The following XRCC1 variants were observed in gnomAD, a reference collection of about 807,000 sequenced individuals.
The protein encoded by XRCC1 is DNA repair protein XRCC1.
Under a neutral mutation model 83.3 loss-of-function variants are expected in XRCC1, and 52 were observed. The ratio of observed to expected loss-of-function variants is 0.62; its 90% CI spans 0.50 to 0.79. The LOEUF (loss-of-function observed/expected upper bound fraction) is 0.79. Among genes scored for constraint, XRCC1 ranks in the 30% least tolerant of loss-of-function variants. XRCC1 has a pLI of 0.00. For synonymous variants in XRCC1, 281 were observed against 312.6 expected, an observed-to-expected ratio of 0.90 and a Z score of 1.07; for missense variants, 793 against 823.5, an observed-to-expected ratio of 0.96 and a Z score of 0.45.
chr19:43,553,185 C>A, intron 6 of XRCC1, 94 bp from the exon 7 acceptor site: 1 of 1,367,634 alleles, frequency 7.3e-7, no homozygotes, highest in Non-Finnish European at 1.0e-6. Flanking sequence ...TTGCCAAAAC[C>A]CACCAGTGAT....
intron 10 of XRCC1, among the ~76,000 whole-genome samples, chr19:43,548,771 A>AC (rs1972545486): frequency 1.7e-5 from 2 of 120,354 alleles, no homozygotes; most frequent in East Asian, 3.9e-4. Context: ...ATGATCAAAA[A>AC]AAAAAAAAAA....
intron 2 of XRCC1, among the ~76,000 whole-genome samples, chr19:43,573,106 T>C (rs925375395): frequency 2.6e-5 from 4 of 151,892 alleles, no homozygotes; most frequent in Middle Eastern, 6.3e-3. Context: ...CTATTTTTTA[T>C]AATTTTTCGT....
chr19:43,567,575 G>T (rs150776815), intron 2 of XRCC1, among the ~76,000 whole-genome samples: 12 of 152,190 alleles, frequency 7.9e-5, no homozygotes, highest in African/African-American at 2.7e-4. Context: ...GCCTCCCAAA[G>T]TGCTGGGATT....
chr19:43,563,585 C>T lies in XRCC1; in HGVS notation c.145-2565G>A, dbSNP rs535258824. 2.1e-4 allele frequency among the ~76,000 whole-genome samples: 32 copies of T among 152,296 alleles called. No homozygotes were observed. In the South Asian group the frequency reaches 5.8e-3, roughly 28 times the overall value. Reference sequence around the variant, plus strand: ...CTTGGTGACTTTCCACCAGCCACAACGGCCTCCCTTCTGTGCCAAGAACAG... The same window carrying T: ...CTTGGTGACTTTCCACCAGCCACAATGGCCTCCCTTCTGTGCCAAGAACAG... On this transcript the variant is annotated intron_variant, in intron 2 of 16. Coordinates refer to ENST00000262887, the MANE Select transcript of XRCC1 (RefSeq NM_006297.3).
intron 14 of XRCC1, among the ~76,000 whole-genome samples, chr19:43,545,411 G>A (rs1001561186): frequency 1.3e-5 from 2 of 152,202 alleles, no homozygotes; most frequent in African/African-American, 2.4e-5. Flanking sequence ...AGACACTGGT[G>A]TGCACCCACC....
chr19:43,546,100 T>G lies in XRCC1; in HGVS notation c.1433A>C (p.Gln478Pro). The change falls in exon 13 of 17, where the codon CAG (glutamine) becomes CCG (proline). Residue 478 changes from glutamine to proline, a missense_variant. Physicochemically the swap from Gln to Pro is moderately conservative, Grantham distance 76. Coordinates refer to ENST00000262887, the MANE Select transcript of XRCC1 (RefSeq NM_006297.3). The stretch of plus-strand genomic sequence containing the variant: ...CCCAGAATCTTCCGCCCCATTGTCC[T>G]GTCCTTCTGCAAGTAGAAGCTCAGT... ...IDIEGVQSEG[Q>P]DNGAEDSGDT... is the part of the protein sequence containing the mutation. 1 of 1,613,312 alleles carries G rather than the reference T, an allele frequency of 6.2e-7. No homozygotes were observed. Among genetic ancestry groups the G allele is most frequent in the South Asian group, 1.1e-5 (1 of 91,062 alleles).
chr19:43,568,396 T>C (rs914257041), intron 2 of XRCC1, among the ~76,000 whole-genome samples: 1 of 151,494 alleles, frequency 6.6e-6, no homozygotes, highest in African/African-American at 2.4e-5. Flanking sequence ...ACTAGGGAGA[T>C]TGAGGCAGGA....
At chr19:43,567,984 C>T (rs1972769955) in intron 2 of XRCC1, among the ~76,000 whole-genome samples, 1 of 151,386 alleles carries the variant, frequency 6.6e-6, no homozygotes, top group Admixed American at 6.6e-5. Flanking sequence ...AAACAATTCT[C>T]CTGCCTCAGC....
chr19:43,552,143 A>T lies in XRCC1; in HGVS notation c.956T>A (p.Ile319Asn), dbSNP rs1440827217. 7 of 1,613,972 alleles carry T rather than the reference A, an allele frequency of 4.3e-6. No individual in the cohort carries two copies. Among genetic ancestry groups the T allele is most frequent in the Non-Finnish European group, 5.9e-6 (7 of 1,179,956 alleles). Residue 319 changes from isoleucine to asparagine, a missense_variant, in exon 9 of 17, where the codon ATC (isoleucine) becomes AAC (asparagine). By Grantham distance (149) the Ile-to-Asn change is moderately radical. Transcript: ENST00000262887. The stretch of plus-strand genomic sequence containing the variant: ...CAGCACCACTACCACACCCTGAAGG[A>T]TCTTCCCCAGCTCCTCTGGGCCAGC... ...PRAGPEELGK[I>N]LQGVVVVLSG...
At position 43,575,491 on chromosome 19, in the gene XRCC1, A is replaced by G; in HGVS notation, c.-33T>C. On this transcript the variant is annotated 5_prime_UTR_variant, in exon 1 of 17. Coordinates refer to ENST00000262887, the MANE Select transcript of XRCC1 (RefSeq NM_006297.3). ...TCGTGGGCTTCGCCTGGCCAGAAGG[A>G]TGAGGTAGAGTATGGGGTCCGAGGG... 6.2e-7 allele frequency: 1 copy of G among 1,602,216 alleles called. No homozygotes were observed. The highest frequency in any genetic ancestry group is 1.1e-5 in the South Asian group (1 of 90,530).
chr19:43,568,909 C>CA (rs1972780340), intron 2 of XRCC1, among the ~76,000 whole-genome samples: 1 of 151,494 alleles, frequency 6.6e-6, no homozygotes, highest in Non-Finnish European at 1.5e-5. Flanking sequence ...CCCCAATGGC[C>CA]AGGTCTTTGT....
intron 3 of XRCC1, among the ~76,000 whole-genome samples, chr19:43,555,894 T>C (rs10405049): frequency 1.2e-3 from 189 of 152,254 alleles, no homozygotes; most frequent in African/African-American, 4.3e-3. Flanking sequence ...TATTTATTAT[T>C]ATTATTTTTT....
chr19:43,550,482 C>A (rs1972564201), intron 10 of XRCC1, among the ~76,000 whole-genome samples: 1 of 152,078 alleles, frequency 6.6e-6, no homozygotes, highest in Non-Finnish European at 1.5e-5. Flanking sequence ...CTGAGCCCAC[C>A]CACCTCACAG....
At chr19:43,566,752 G>A (rs766612353) in intron 2 of XRCC1, among the ~76,000 whole-genome samples, 2 of 151,034 alleles carry the variant, frequency 1.3e-5, no homozygotes, top group African/African-American at 4.9e-5. Flanking sequence ...GGTGGCATGC[G>A]CCTGTAGTCC....
intron 3 of XRCC1, among the ~76,000 whole-genome samples, chr19:43,558,212 G>A (rs543212834): frequency 6.6e-6 from 1 of 152,162 alleles, no homozygotes; most frequent in Non-Finnish European, 1.5e-5. Context: ...GTGCAAGCCT[G>A]TAGTCCCAGC....
chr19:43,562,396 C>T (rs1001195687), intron 2 of XRCC1, among the ~76,000 whole-genome samples: 3 of 152,010 alleles, frequency 2.0e-5, no homozygotes, highest in African/African-American at 7.3e-5. Flanking sequence ...ACGTATTCAA[C>T]GTCTCTGTGA....
At chr19:43,575,316 T>C in intron 1 of XRCC1, 92 bp downstream of exon 1, 1 of 1,371,900 alleles carries the variant, frequency 7.3e-7, no homozygotes, top group Non-Finnish European at 9.9e-7. Context: ...ATGACTCTCC[T>C]TAGACTTCCA....
In XRCC1 at chr19:43,543,374, GT is replaced by G; in HGVS notation, c.*17del. The stretch of plus-strand genomic sequence containing the variant: ...TGTGTGTGTGTGTGTGTGTGTGTGT[GT>G]GTGTATAGCACATACTTCAGGCTTG... On this transcript the variant is annotated 3_prime_UTR_variant, in exon 17 of 17. Transcript: ENST00000262887. The G allele has an allele frequency of 6.9e-7, 1 of 1,459,500 alleles. No homozygotes were observed. The highest frequency in any genetic ancestry group is 9.5e-7 in the Non-Finnish European group (1 of 1,048,248). The allele number at this position is 1,459,500 out of a possible 1,614,324, so 90.4% of individuals were successfully genotyped here. A position where few individuals can be genotyped will look rare whatever the true frequency, so the allele number is the denominator to read the frequency against.
At chr19:43,560,869 G>T in intron 3 of XRCC1, 41 bp downstream of exon 3, 1 of 1,521,644 alleles carries the variant, frequency 6.6e-7, no homozygotes, top group Non-Finnish European at 9.1e-7. Context: ...GAGCATGAGG[G>T]GCAGAGGTCA....
Sources: gnomAD v4.1 joint callset for allele counts (sites outside exome capture counted in the v4.1 genomes callset) on GRCh38, gnomAD v4.1.1 for gene constraint, MANE v1.5 for transcripts, NCBI Gene and HGNC (gene_info 2026-07-23, HGNC 2026-07-21) for gene names.